The following SSUH2 variants were observed in gnomAD, a reference collection of about 807,000 sequenced individuals.
SSUH2 encodes ssu-2 homolog.
In SSUH2, 47 loss-of-function variants were observed where a neutral mutation model predicts 55.3. That is an observed-to-expected ratio of 0.85 (90% CI 0.67 to 1.08). The LOEUF (loss-of-function observed/expected upper bound fraction) is 1.08, where lower values mean the gene tolerates loss of function less well. Among genes scored for constraint, SSUH2 ranks in the 50% least tolerant of loss-of-function variants. SSUH2 has a pLI of 0.00. For missense variants in SSUH2, 535 were observed against 490.7 expected (o/e 1.09, Z -0.85); for synonymous variants, 212 against 191.5 (o/e 1.11, Z -0.89).
intron 3 of SSUH2, among the ~76,000 whole-genome samples, chr3:8,676,068 C>G (rs1396304892): frequency 9.2e-5 from 14 of 152,124 alleles, no homozygotes; most frequent in Admixed American, 7.9e-4. Flanking sequence ...TAAAGGCCCC[C>G]CATGCTGTGG....
intron 3 of SSUH2, among the ~76,000 whole-genome samples, chr3:8,677,030 G>A (rs1705426584): frequency 6.7e-6 from 1 of 149,168 alleles, no homozygotes; most frequent in South Asian, 2.2e-4. Flanking sequence ...CGCGGTGGGG[G>A]GAGGAACCCC....
At chr3:8,620,901 G>C (rs1188633370) in intron 11 of SSUH2, among the ~76,000 whole-genome samples, 1 of 152,206 alleles carries the variant, frequency 6.6e-6, no homozygotes, top group East Asian at 1.9e-4. Flanking sequence ...TTCAGGATGG[G>C]GACCTCATTC....
Position 8,678,596 on chromosome 3 carries a change from G to A in SSUH2, c.-901+1109C>T, listed in dbSNP as rs1391403450. Among the ~76,000 whole-genome samples the A allele has an allele frequency of 7.3e-5, 8 of 109,664 alleles. 3 individuals are homozygous for A. The highest frequency in any genetic ancestry group is 1.0e-4 in the Non-Finnish European group (5 of 48,904). The allele number at this position is 109,664 out of a possible 152,430, so 71.9% of individuals were successfully genotyped here. A position where few individuals can be genotyped will look rare whatever the true frequency, so the allele number is the denominator to read the frequency against. On this transcript the variant is annotated intron_variant, in intron 2 of 18. Coordinates refer to the SSUH2 transcript ENST00000317371. ...GGGGGAACACCCCCCGCGAGGCAGG[G>A]ACTGAGAGCCAGCCCTTCTTCCCCC...
chr3:8,620,383 C>T (rs1006699493), intron 11 of SSUH2, among the ~76,000 whole-genome samples: 5 of 152,202 alleles, frequency 3.3e-5, no homozygotes, highest in African/African-American at 9.7e-5. Context: ...CTCTGCCTCC[C>T]GCCATGATTG....
chr3:8,633,813 G>A lies in SSUH2; in HGVS notation c.210-18C>T, dbSNP rs774885903. On this transcript the variant is annotated intron_variant, in intron 3 of 11. Transcript: ENST00000544814. ...CAGGGACTCTGCAGGGGACCGAACAGAGAGGCGGGGGCTTCTGGGAAGGGC... is the reference window on the plus strand; with the variant it reads ...CAGGGACTCTGCAGGGGACCGAACAAAGAGGCGGGGGCTTCTGGGAAGGGC... 6.2e-7 allele frequency: 1 copy of A among 1,613,780 alleles called. No homozygotes were observed. Among genetic ancestry groups the A allele is most frequent in the South Asian group, 1.1e-5 (1 of 91,080 alleles).
intron 1 of SSUH2, among the ~76,000 whole-genome samples, chr3:8,640,943 A>C (rs773326305): frequency 7.9e-5 from 12 of 152,250 alleles, no homozygotes; most frequent in Non-Finnish European, 1.5e-4. Context: ...TGCTTCTTAG[A>C]AAGTGCTGTC....
At chr3:8,668,147 T>G (rs1704163817) in intron 5 of SSUH2, among the ~76,000 whole-genome samples, 1 of 151,916 alleles carries the variant, frequency 6.6e-6, no homozygotes, top group Admixed American at 6.6e-5. Flanking sequence ...ATTAAAAACT[T>G]GTAAAGCTCT....
intron 5 of SSUH2, chr3:8,670,919 G>T: frequency 3.4e-6 from 1 of 294,834 alleles, no homozygotes; most frequent in Non-Finnish European, 7.5e-6. Context: ...TCCTATCACT[G>T]TGTGACTCTG....
At chr3:8,680,705 C>CCCT (rs1293861531) in intron 1 of SSUH2, among the ~76,000 whole-genome samples, 3 of 151,978 alleles carry the variant, frequency 2.0e-5, no homozygotes, top group African/African-American at 7.3e-5. Context: ...TCATATCACC[C>CCCT]CCTCCGCCTT....
At position 8,635,851 on chromosome 3, in the gene SSUH2, A is replaced by G. The variant is rs1699840442; in HGVS notation, c.35T>C (p.Val12Ala). The G allele has an allele frequency of 1.3e-6, 2 of 1,536,038 alleles. No homozygotes were observed. The highest frequency in any genetic ancestry group is 1.7e-6 in the Non-Finnish European group (2 of 1,146,840). Residue 12 changes from valine (V) to alanine (A), a missense_variant, in exon 2 of 12, where the codon GTG becomes GCG. Transcript: ENST00000544814. ...DRDLNEDDSV[V>A]DLSFEAESPL... ...ACTCTCGGCCTCAAAACTGAGGTCC[A>G]CCACACCTGCAGAAAGACAAGCATT...
chr3:8,629,705 G>A lies in SSUH2; in HGVS notation c.547C>T (p.Arg183Cys), dbSNP rs111764726. The change falls in exon 7 of 12, where the codon CGT (arginine) becomes TGT (cysteine). Residue 183 changes from arginine (R) to cysteine (C), a missense_variant. Transcript: ENST00000544814. ...CAGCCGCTGCACTTGTACCGCCCAC[G>A]CCCATGGCATTTGTGGCATTCCTGA... ...LVKECHKCHG[R>C]GRYKCSGCHG... 9.3e-5 allele frequency: 149 copies of A among 1,599,914 alleles called. 1 individual carries two copies. Among genetic ancestry groups the A allele is most frequent in the African/African-American group, 5.8e-4 (43 of 74,722 alleles).
Position 8,633,788 on chromosome 3 carries a change from C to T in SSUH2, c.217G>A (p.Ala73Thr). 2 of 1,613,400 alleles carry T rather than the reference C, an allele frequency of 1.2e-6. No individual in the cohort carries two copies. Among genetic ancestry groups the T allele is most frequent in the South Asian group, 1.1e-5 (1 of 91,060 alleles). The change falls in exon 4 of 12, where the codon GCG (alanine) becomes ACG (threonine). Residue 73 changes from alanine (A) to threonine (T), a missense_variant. Coordinates refer to ENST00000544814, the MANE Select transcript of SSUH2 (RefSeq NM_001256748.3). ...WPSFLEHRVP[A>T]MTEEVAREAL... is the part of the protein sequence containing the mutation. ...TCCCGGGCCACCTCCTCCGTCATCG[C>T]AGGGACTCTGCAGGGGACCGAACAG...
intron 10 of SSUH2, among the ~76,000 whole-genome samples, chr3:8,624,034 G>A (rs903547109): frequency 6.6e-6 from 1 of 152,198 alleles, no homozygotes; most frequent in Non-Finnish European, 1.5e-5. Flanking sequence ...CCCTCTAAGG[G>A]TCAGGCACTG....
At chr3:8,677,723 A>T (rs559220999) in intron 2 of SSUH2, among the ~76,000 whole-genome samples, 1 of 150,762 alleles carries the variant, frequency 6.6e-6, no homozygotes, top group Admixed American at 6.6e-5. Context: ...GGGCCTTGGC[A>T]GCAACTGCCC....
At chr3:8,674,356 A>T (rs987050575) in intron 3 of SSUH2, among the ~76,000 whole-genome samples, 5 of 152,200 alleles carry the variant, frequency 3.3e-5, no homozygotes, top group African/African-American at 1.2e-4. Context: ...TCAGAGCAGG[A>T]GGCCCCGGAC....
intron 1 of SSUH2, among the ~76,000 whole-genome samples, chr3:8,636,222 A>G (rs1224129390): frequency 6.6e-6 from 1 of 152,190 alleles, no homozygotes; most frequent in Non-Finnish European, 1.5e-5. Context: ...AAGAGAACAC[A>G]GTGGAAGCAT....
chr3:8,646,916 T>A (rs1284076817), upstream of SSUH2, among the ~76,000 whole-genome samples: 1 of 152,232 alleles, frequency 6.6e-6, no homozygotes, highest in Non-Finnish European at 1.5e-5. Context: ...CCTCCTGAAC[T>A]GGCCCTCGTG....
intron 7 of SSUH2, among the ~76,000 whole-genome samples, chr3:8,656,695 T>C (rs1026175577): frequency 2.0e-5 from 3 of 152,174 alleles, no homozygotes; most frequent in African/African-American, 7.2e-5. Context: ...AGAATTGTTA[T>C]TAGCCTCAGT....
chr3:8,646,480 C>T (rs556552158), upstream of SSUH2, among the ~76,000 whole-genome samples: 28 of 152,304 alleles, frequency 1.8e-4, no homozygotes, highest in African/African-American at 5.1e-4. Flanking sequence ...ATGCAGACAA[C>T]GCTGAGCTGT....
Sources: allele counts gnomAD v4.1 joint callset (sites outside exome capture counted in the v4.1 genomes callset), GRCh38; gene constraint gnomAD v4.1.1; transcripts MANE v1.5; gene names NCBI Gene and HGNC (gene_info 2026-07-23, HGNC 2026-07-21).